SPAG4: variants seen among roughly 807,000 people sequenced by gnomAD.
SPAG4 encodes the protein sperm associated antigen 4.
A neutral mutation model predicts 53.9 loss-of-function variants in SPAG4; 54 were observed. That is an observed-to-expected ratio of 1.00 (90% CI 0.80 to 1.26). The LOEUF (loss-of-function observed/expected upper bound fraction) is 1.26. Among genes scored for constraint, SPAG4 ranks in the 50% most tolerant of loss-of-function variants. The probability of loss-of-function intolerance (pLI) is 0.00; values close to 1 mark genes in which losing one functional copy is unlikely to be tolerated. For missense variants in SPAG4, 548 were observed against 568.6 expected (o/e 0.96, Z 0.37); for synonymous variants, 246 against 237.4 (o/e 1.04, Z -0.33).
chr20:35,618,454 C>CT lies in SPAG4; in HGVS notation c.588dup (p.Lys197Ter). On this transcript the variant is annotated frameshift_variant, in exon 6 of 12. Transcript: ENST00000374273. LOFTEE classifies it high-confidence loss of function. ...TTTTGTCCCTTCATCCAACAGGAAC[C>CT]TAAGGAGATGCTGACTCTAAGGTGA... The CT allele has an allele frequency of 6.2e-7, 1 of 1,614,000 alleles. No individual in the cohort carries two copies. Among genetic ancestry groups the CT allele is most frequent in the South Asian group, 1.1e-5 (1 of 91,038 alleles).
intron 1 of SPAG4, 41 bp downstream of exon 1, chr20:35,616,348 C>T: frequency 9.6e-7 from 1 of 1,043,736 alleles, no homozygotes. Flanking sequence ...GTGGAGGGGG[C>T]GGGGCCTAAA....
At chr20:35,618,151 TG>T (rs777235620) in intron 5 of SPAG4, 21 bp downstream of exon 5, 4 of 1,611,600 alleles carry the variant, frequency 2.5e-6, no homozygotes, top group Non-Finnish European at 3.4e-6. Context: ...GAGACTGTCT[TG>T]GGGTAGGGGG....
intron 4 of SPAG4, 66 bp downstream of exon 4, chr20:35,617,906 T>C: frequency 6.6e-7 from 1 of 1,521,942 alleles, no homozygotes; most frequent in South Asian, 1.1e-5. Context: ...CAGCACATTT[T>C]CTCCTACATC....
At chr20:35,618,754 G>T (rs557871455) in intron 7 of SPAG4, 34 bp downstream of exon 7, 4 of 1,503,548 alleles carry the variant, frequency 2.7e-6, no homozygotes, top group Admixed American at 1.9e-5. Flanking sequence ...ACCCCTGATG[G>T]ATCCCTGCTC....
chr20:35,617,534 G>A lies in SPAG4; in HGVS notation c.424G>A (p.Gly142Arg). Residue 142 changes from glycine to arginine, a missense_variant, in exon 3 of 12, where the codon GGG becomes AGG. By Grantham distance (125) the Gly-to-Arg change is moderately radical (BLOSUM62 -2). Transcript: ENST00000374273. Reference protein sequence around the residue: ...FKSFLSLLFQGLSVLLSLAGD... With the variant: ...FKSFLSLLFQRLSVLLSLAGD... The stretch of plus-strand genomic sequence containing the variant: ...CCTGGCCTCAGGCCTGCTCTTCCAG[G>A]GGCTGAGCGTGTTGTTATCCCTGGC... The A allele has an allele frequency of 6.3e-7, 1 of 1,598,662 alleles. No individual in the cohort carries two copies.
intron 8 of SPAG4, 89 bp from the exon 9 acceptor site, chr20:35,619,106 G>GCCCCCCCCCCC: frequency 1.8e-6 from 2 of 1,122,294 alleles, no homozygotes; most frequent in Non-Finnish European, 2.6e-6. Context: ...GCCTCGGACA[G>GCCCCCCCCCCC]CCCCCACCCG....
chr20:35,617,463 C>T, intron 2 of SPAG4, 57 bp from the exon 3 acceptor site: 3 of 1,460,366 alleles, frequency 2.1e-6, no homozygotes. Context: ...ACCACGCAGG[C>T]TGAGCCCCGC....
chr20:35,619,835 T>C, intron 10 of SPAG4, 89 bp downstream of exon 10: 1 of 1,339,858 alleles, frequency 7.5e-7, no homozygotes. Context: ...GAGTCTTCGC[T>C]TGCTCATCTA....
rs1163899384 is a variant in SPAG4 at position 35,620,934 on chromosome 20, AC to A, written c.1231del (p.Arg411ValfsTer40). On this transcript the variant is annotated frameshift_variant, in exon 12 of 12. Transcript: ENST00000374273. LOFTEE classifies it high-confidence loss of function. The part of the protein sequence containing the change: ...VKIQILSNWG[H>X]PRFTCLYRVR... ...ATCCAGATTCTAAGCAACTGGGGCCACCCCCGTTTCACGTGCTTGTATCGAG... is the reference window on the plus strand; with the variant it reads ...ATCCAGATTCTAAGCAACTGGGGCCACCCCGTTTCACGTGCTTGTATCGAG... The A allele has an allele frequency of 6.2e-7, 1 of 1,613,856 alleles. No individual in the cohort carries two copies. The highest frequency in any genetic ancestry group is 1.6e-4 in the Middle Eastern group (1 of 6,062).
intron 10 of SPAG4, 141 bp downstream of exon 10, chr20:35,619,887 G>T (rs367846330): frequency 1.2e-6 from 1 of 856,752 alleles, no homozygotes. Context: ...AGCTGCTGTA[G>T]GTTATAGTCA....
intron 1 of SPAG4, 30 bp downstream of exon 1, chr20:35,616,337 A>T: frequency 2.7e-5 from 31 of 1,156,608 alleles, no homozygotes; most frequent in East Asian, 3.9e-5. Flanking sequence ...CGGGTGAGCC[A>T]GTGGAGGGGG....
At chr20:35,619,069 C>T in intron 8 of SPAG4, 71 bp downstream of exon 8, 1 of 1,485,240 alleles carries the variant, frequency 6.7e-7, no homozygotes, top group Non-Finnish European at 9.4e-7. Context: ...ACAGACAGAC[C>T]CATGCACCTG....
Position 35,616,270 on chromosome 20 carries a change from A to G in SPAG4, c.267A>G (p.Thr89=). Reference sequence around the variant, plus strand: ...CGCCTCGGAGCCACAACTGGCAGACAGCCTGTGGCGCGGCAACCGTGAGGG... The same window carrying G: ...CGCCTCGGAGCCACAACTGGCAGACGGCCTGTGGCGCGGCAACCGTGAGGG... ...KPAPRSHNWQ[T]ACGAATVRGG... The change falls in exon 1 of 12, where the codon ACA becomes ACG. Residue 89 remains threonine, a synonymous_variant. Transcript: ENST00000374273. The G allele has an allele frequency of 6.7e-7, 1 of 1,493,688 alleles. No homozygotes were observed. The highest frequency in any genetic ancestry group is 8.9e-7 in the Non-Finnish European group (1 of 1,126,004). The allele number at this position is 1,493,688 out of a possible 1,614,324, so 92.5% of individuals were successfully genotyped here.
At chr20:35,618,781 T>C in intron 7 of SPAG4, 61 bp downstream of exon 7, 1 of 1,456,028 alleles carries the variant, frequency 6.9e-7, no homozygotes, top group Non-Finnish European at 9.4e-7. Flanking sequence ...TCCTGAGACT[T>C]AAGCTCCGCC....
At position 35,617,839 on chromosome 20, in the gene SPAG4, A is replaced by G; in HGVS notation, c.537A>G (p.Ser179=). The change falls in exon 4 of 12, where the codon TCA becomes TCG. Residue 179 remains serine (S), a splice_region_variant and synonymous_variant. Transcript: ENST00000374273. ...TGTCGCTGCTGAGCCTCTTTCTGTC[A>G]GGTGAGGGGCAGTGAATTCCCTGGA... ...TAVSLLSLFL[S]AFWLGLLYLV... is the part of the protein sequence containing the mutation. The G allele has an allele frequency of 6.2e-7, 1 of 1,613,986 alleles. No homozygotes were observed.
At chr20:35,617,467 G>T (rs552390702) in intron 2 of SPAG4, 53 bp from the exon 3 acceptor site, 1 of 1,500,958 alleles carries the variant, frequency 6.7e-7, no homozygotes, top group East Asian at 2.4e-5. Flanking sequence ...CGCAGGCTGA[G>T]CCCCGCCTCT....
chr20:35,619,386 G>A lies in SPAG4; in HGVS notation c.909+76G>A. ...AGCACCAAAACCCCGCCCTACAGGC[G>A]GAGCTTGGCTGAGCCGAGGGCGTGG... On this transcript the variant is annotated intron_variant, in intron 9 of 11. Transcript: ENST00000374273. 4 of 1,473,468 alleles carry A rather than the reference G, an allele frequency of 2.7e-6. No homozygotes were observed. The Admixed American group carries it at 5.0e-5, about 19-fold the overall frequency. The allele number at this position is 1,473,468 out of a possible 1,614,324, so 91.3% of individuals were successfully genotyped here.
At position 35,617,781 on chromosome 20, in the gene SPAG4, A is replaced by T. The variant is rs2031437302; in HGVS notation, c.479A>T (p.Glu160Val). 3 of 1,613,708 alleles carry T rather than the reference A, an allele frequency of 1.9e-6. No homozygotes were observed. In the Admixed American group the frequency reaches 5.0e-5, roughly 27 times the overall value. ...TCAGCCTCCCTCCGGTTCCCCAGGG[A>T]GGTCTGTTCCATCCGCTTCCTGTTC... Reference protein sequence around the residue: ...AGDVLVSMYREVCSIRFLFTA... With the variant: ...AGDVLVSMYRVVCSIRFLFTA... Residue 160 changes from glutamate (E) to valine (V), a missense_variant and splice_region_variant, in exon 4 of 12, where the codon GAG becomes GTG. Transcript: ENST00000374273.
intron 9 of SPAG4, 62 bp downstream of exon 9, chr20:35,619,372 C>T (rs1312259892): frequency 3.4e-5 from 51 of 1,514,182 alleles, no homozygotes; most frequent in Non-Finnish European, 4.6e-5. Flanking sequence ...GCACCAAAAC[C>T]CCGCCCTACA....
Sources: allele counts gnomAD v4.1 joint callset, GRCh38; gene constraint gnomAD v4.1.1; transcripts MANE v1.5; gene names NCBI Gene and HGNC (gene_info 2026-07-23, HGNC 2026-07-21).